ZBTB20: variants seen among roughly 807,000 people sequenced by gnomAD.
The protein encoded by ZBTB20 is zinc finger and BTB domain containing 20, also known as zinc finger and BTB domain-containing protein 20.
Under a neutral mutation model 56.9 loss-of-function variants are expected in ZBTB20, and 9 were observed. The ratio of observed to expected loss-of-function variants is 0.16; its 90% CI spans 0.10 to 0.28. The LOEUF (loss-of-function observed/expected upper bound fraction) is 0.28. Among genes scored for constraint, ZBTB20 ranks in the 10% least tolerant of loss-of-function variants. The pLI is 1.00. For synonymous variants in ZBTB20, 417 were observed against 420.7 expected (o/e 0.99, Z 0.11); for missense variants, 655 against 1,003.0 (o/e 0.65, Z 4.69).
chr3:114,954,467 T>C (rs1576414367), intron 3 of ZBTB20, among the ~76,000 whole-genome samples: 1 of 152,162 alleles, frequency 6.6e-6, no homozygotes, highest in East Asian at 1.9e-4. Context: ...TTCTTATTTC[T>C]ATTTTAGTTA....
At chr3:114,534,507 C>T (rs890893482) in intron 6 of ZBTB20, among the ~76,000 whole-genome samples, 8 of 152,116 alleles carry the variant, frequency 5.3e-5, no homozygotes, top group African/African-American at 1.9e-4. Flanking sequence ...TAGAGACCTA[C>T]AAAGAGACTT....
chr3:114,748,325 TCTTTCTTTCTTCTTTCTTTCTTTCTTTTC>T (rs2067247090), intron 5 of ZBTB20, among the ~76,000 whole-genome samples: 1 of 132,174 alleles, frequency 7.6e-6, no homozygotes, highest in African/African-American at 3.1e-5. Flanking sequence ...TTTCTTTCTT[TCTTTCTTTCTTCTTTCTTTCTTTCTTTTC>T]TCTCTCTCTC....
chr3:114,714,940 T>C (rs200240422), intron 5 of ZBTB20, among the ~76,000 whole-genome samples: 17 of 152,206 alleles, frequency 1.1e-4, no homozygotes, highest in East Asian at 7.7e-4. Context: ...CACACCACTA[T>C]AAAAAATCAT....
intron 2 of ZBTB20, among the ~76,000 whole-genome samples, chr3:115,033,361 A>C (rs910699054): frequency 9.2e-5 from 14 of 151,642 alleles, no homozygotes; most frequent in Non-Finnish European, 1.9e-4. Context: ...AGGAGATTGA[A>C]TCAATATTCA....
intron 5 of ZBTB20, among the ~76,000 whole-genome samples, chr3:114,726,336 C>G (rs2065277036): frequency 6.6e-6 from 1 of 152,042 alleles, no homozygotes; most frequent in South Asian, 2.1e-4. Flanking sequence ...TGAAGTAGAA[C>G]AACAGAGGGT....
intron 1 of ZBTB20, among the ~76,000 whole-genome samples, chr3:115,083,356 T>C (rs2108547531): frequency 6.6e-6 from 1 of 152,134 alleles, no homozygotes; most frequent in Non-Finnish European, 1.5e-5. Context: ...CCACTATATC[T>C]ATATAGTCTT....
chr3:115,115,314 T>C (rs1265828557), intron 1 of ZBTB20, among the ~76,000 whole-genome samples: 1 of 151,220 alleles, frequency 6.6e-6, no homozygotes, highest in Non-Finnish European at 1.5e-5. Flanking sequence ...ATTCTAAAAC[T>C]ATGTAACTAT....
intron 4 of ZBTB20, among the ~76,000 whole-genome samples, chr3:114,844,594 G>A (rs1158915747): frequency 1.5e-5 from 2 of 132,362 alleles, no homozygotes; most frequent in Non-Finnish European, 3.1e-5. Flanking sequence ...TGAAATGGCT[G>A]GATAACATGG....
chr3:114,791,854 C>A (rs566735443), intron 5 of ZBTB20: 1 of 152,032 alleles, frequency 6.6e-6, no homozygotes, highest in African/African-American at 2.4e-5. Flanking sequence ...ACTGAGAATT[C>A]GACAGTAATC....
chr3:115,110,991 AAAAAAT>A (rs1186440238), intron 1 of ZBTB20, among the ~76,000 whole-genome samples: 3 of 139,848 alleles, frequency 2.1e-5, no homozygotes, highest in African/African-American at 8.0e-5. Context: ...CTCCATCTCA[AAAAAAT>A]AAAAATAAAA....
At chr3:114,986,621 T>C (rs1383404399) in intron 2 of ZBTB20, among the ~76,000 whole-genome samples, 1 of 152,138 alleles carries the variant, frequency 6.6e-6, no homozygotes, top group Non-Finnish European at 1.5e-5. Flanking sequence ...CAAAATCTTT[T>C]AGGTCTTCCA....
rs139463539 is a variant in ZBTB20, at chr3:114,350,530, G to C, written c.1548C>G (p.Pro516=). 4 of 1,614,012 alleles carry C rather than the reference G, an allele frequency of 2.5e-6. No homozygotes were observed. In the African/African-American group the frequency reaches 4.0e-5, roughly 16 times the overall value. The change falls in exon 11 of 12, where the codon CCC becomes CCG. Residue 516 remains proline, a synonymous_variant. Coordinates refer to ENST00000675478, the MANE Select transcript of ZBTB20 (RefSeq NM_001348800.3). ...GGAAAGGCTTGGGGCCACTGCCCGC[G>C]GGCTGGGTAGTGAAGAGGGCTGGCA... ...TYLPALFTTQ[P]AGSGPKPFLF... is the part of the protein sequence containing the mutation.
chr3:114,726,728 T>C (rs550821293), intron 5 of ZBTB20, among the ~76,000 whole-genome samples: 26 of 150,538 alleles, frequency 1.7e-4, no homozygotes, highest in East Asian at 5.9e-4. Flanking sequence ...CTGGCTAACA[T>C]GGTGAAACCC....
intron 6 of ZBTB20, among the ~76,000 whole-genome samples, chr3:114,621,366 T>G (rs1354240162): frequency 6.6e-6 from 1 of 152,214 alleles, no homozygotes; most frequent in Non-Finnish European, 1.5e-5. Flanking sequence ...CAAAGGCAAG[T>G]AAGCCTGGCT....
intron 5 of ZBTB20, among the ~76,000 whole-genome samples, chr3:114,699,445 T>C (rs1447000466): frequency 6.6e-6 from 1 of 152,038 alleles, no homozygotes; most frequent in Non-Finnish European, 1.5e-5. Context: ...TAAACAGTTT[T>C]TTTTTGGAAA....
chr3:114,820,992 C>G (rs1280347667), intron 4 of ZBTB20, among the ~76,000 whole-genome samples: 1 of 152,080 alleles, frequency 6.6e-6, no homozygotes, highest in Non-Finnish European at 1.5e-5. Context: ...CCAAGGAAAA[C>G]ACCCCCAAGT....
chr3:114,955,527 C>G (rs983152115), intron 3 of ZBTB20, among the ~76,000 whole-genome samples: 14 of 152,152 alleles, frequency 9.2e-5, no homozygotes, highest in Non-Finnish European at 1.8e-4. Flanking sequence ...CACACTGTTT[C>G]TTTTCACACT....
At chr3:114,385,380 G>A (rs9881461) in intron 8 of ZBTB20, among the ~76,000 whole-genome samples, 81,608 of 151,980 alleles carry the variant, frequency 0.54, 22,020 homozygotes, top group East Asian at 0.72. Flanking sequence ...AGATTACTCC[G>A]CATCTCTGAG....
chr3:114,471,598 G>C (rs2040136071), intron 7 of ZBTB20, among the ~76,000 whole-genome samples: 1 of 152,172 alleles, frequency 6.6e-6, no homozygotes, highest in Non-Finnish European at 1.5e-5. Flanking sequence ...AGCTACATCA[G>C]GGAGGTGGAG....
Sources: gnomAD v4.1 joint callset for allele counts (sites outside exome capture counted in the v4.1 genomes callset) on GRCh38, gnomAD v4.1.1 for gene constraint, MANE v1.5 for transcripts, NCBI Gene and HGNC (gene_info 2026-07-23, HGNC 2026-07-21) for gene names.